The following SLC3A2 variants were observed in gnomAD, a reference collection of about 807,000 sequenced individuals.
SLC3A2 encodes the protein solute carrier family 3 member 2, also known as amino acid transporter heavy chain SLC3A2.
Under a neutral mutation model 48.5 loss-of-function variants are expected in SLC3A2, and 32 were observed. That is an observed-to-expected ratio of 0.66 (90% CI 0.50 to 0.89). SLC3A2 has a LOEUF of 0.89. SLC3A2 is among the 40% of genes least tolerant of loss of function. SLC3A2 has a pLI of 0.00. For missense variants in SLC3A2, 587 were observed against 680.7 expected (o/e 0.86, Z 1.53); for synonymous variants, 277 against 288.8 (o/e 0.96, Z 0.41).
chr11:62,864,307 G>T lies in SLC3A2; in HGVS notation c.112+7926G>T, dbSNP rs538269689. On this transcript the variant is annotated intron_variant, in intron 1 of 9. Coordinates refer to the SLC3A2 transcript ENST00000377889. ...GTATATCAATCCTGTTAAATACTTG[G>T]TTTTTTTTTTTTTTGAGATGGAATG... Among the ~76,000 whole-genome samples, 481 of 144,834 alleles carry T rather than the reference G, an allele frequency of 3.3e-3. 2 individuals carry two copies. The highest frequency in any genetic ancestry group is 1.0e-2 in the African/African-American group (394 of 39,492).
chr11:62,884,760 G>T (rs116922121), intron 5 of SLC3A2, 70 bp downstream of exon 5: 4 of 1,194,168 alleles, frequency 3.3e-6, no homozygotes, highest in Non-Finnish European at 3.4e-6. Flanking sequence ...CTAGGCCTAA[G>T]AAGGGGGGAT....
upstream of SLC3A2, chr11:62,880,395 A>C (rs1376081643): frequency 6.6e-6 from 1 of 152,466 alleles, no homozygotes; most frequent in African/African-American, 2.4e-5. Flanking sequence ...GCAGAGGTCT[A>C]GCGCCAAGTC....
chr11:62,882,853 A>G, intron 2 of SLC3A2, 55 bp from the exon 3 acceptor site: 6 of 1,404,500 alleles, frequency 4.3e-6, no homozygotes, highest in Non-Finnish European at 5.1e-6. Context: ...TGATTTCCTT[A>G]TTTTCCCTTA....
chr11:62,870,086 C>T (rs1270474562), intron 1 of SLC3A2, among the ~76,000 whole-genome samples: 4 of 151,988 alleles, frequency 2.6e-5, no homozygotes, highest in Admixed American at 1.3e-4. Flanking sequence ...CGTGAGCCAC[C>T]GCACCTGGCC....
At chr11:62,869,544 A>AAAG in intron 1 of SLC3A2, among the ~76,000 whole-genome samples, 1 of 150,826 alleles carries the variant, frequency 6.6e-6, no homozygotes, top group African/African-American at 2.4e-5. Context: ...AAAAAAAAAA[A>AAAG]AAGAATAGAA....
At chr11:62,868,037 TCAGCCTCCTGAGTAGCTGCGATTA>T (rs1178122196) in intron 1 of SLC3A2, among the ~76,000 whole-genome samples, 4 of 151,998 alleles carry the variant, frequency 2.6e-5, no homozygotes, top group Admixed American at 2.0e-4. Flanking sequence ...TTCTCCTGCC[TCAGCCTCCTGAGTAGCTGCGATTA>T]CAGCCTCCTG....
intron 1 of SLC3A2, among the ~76,000 whole-genome samples, chr11:62,857,420 G>A (rs771312332): frequency 2.0e-5 from 3 of 152,252 alleles, no homozygotes; most frequent in South Asian, 2.1e-4. Flanking sequence ...CACCACACCC[G>A]GCCTGGCTCA....
chr11:62,885,692 G>A, intron 7 of SLC3A2, 84 bp downstream of exon 7: 1 of 1,473,794 alleles, frequency 6.8e-7, no homozygotes, highest in Non-Finnish European at 9.3e-7. Context: ...ACATAGACGT[G>A]AGCCTTGGGG....
intron 1 of SLC3A2, among the ~76,000 whole-genome samples, chr11:62,860,378 G>C (rs572666984): frequency 6.6e-6 from 1 of 151,522 alleles, no homozygotes; most frequent in East Asian, 1.9e-4. Flanking sequence ...GATGGCGTGC[G>C]CCTGTAGTCC....
At chr11:62,860,834 A>G (rs944928048) in intron 1 of SLC3A2, among the ~76,000 whole-genome samples, 1 of 152,162 alleles carries the variant, frequency 6.6e-6, no homozygotes, top group African/African-American at 2.4e-5. Context: ...AATGGCGATG[A>G]CTTTTACCAA....
At chr11:62,875,814 G>T (rs2085565632) in intron 1 of SLC3A2, among the ~76,000 whole-genome samples, 1 of 152,104 alleles carries the variant, frequency 6.6e-6, no homozygotes, top group African/African-American at 2.4e-5. Context: ...TGATCCGCCC[G>T]CCTCAGCCTC....
Position 62,881,059 on chromosome 11 carries a change from G to A in SLC3A2, c.36G>A (p.Val12=). The part of the protein sequence containing the change: ...SQDTEVDMKE[V]ELNELEPEKQ... ...ACACCGAGGTGGATATGAAGGAGGTGGAGCTGAATGAGTTAGAGCCCGAGA... is the reference window on the plus strand; with the variant it reads ...ACACCGAGGTGGATATGAAGGAGGTAGAGCTGAATGAGTTAGAGCCCGAGA... Residue 12 remains valine, a synonymous_variant, in exon 1 of 9, where the codon GTG becomes GTA. Coordinates refer to ENST00000338663, the MANE Select transcript of SLC3A2 (RefSeq NM_001013251.3). The surrounding 1 kb of genome is among the most constrained non-coding windows in gnomAD (Gnocchi z 4.0). The A allele has an allele frequency of 6.9e-6, 11 of 1,597,488 alleles. No individual in the cohort carries two copies. The highest frequency in any genetic ancestry group is 1.3e-5 in the African/African-American group (1 of 74,796).
intron 1 of SLC3A2, chr11:62,871,782 A>G (rs1010089147): frequency 5.1e-6 from 2 of 391,700 alleles, no homozygotes; most frequent in African/African-American, 2.1e-5. Flanking sequence ...TTTCTCTTGC[A>G]CATGAATTAT....
intron 7 of SLC3A2, 171 bp from the exon 8 acceptor site, chr11:62,887,964 T>A (rs927352198): frequency 1.5e-4 from 86 of 587,770 alleles, no homozygotes; most frequent in Non-Finnish European, 2.2e-4. Flanking sequence ...AGCTAATTTT[T>A]AAAAATTTTG....
Position 62,884,612 on chromosome 11 carries a change from T to C in SLC3A2, c.760-20T>C. On this transcript the variant is annotated intron_variant, in intron 4 of 8. Transcript: ENST00000338663. Reference sequence around the variant, plus strand: ...CCTCATAATATTCTCTGGTCCTTGATTCTGCTTTTTTCTTTCTAGGATGCA... The same window carrying C: ...CCTCATAATATTCTCTGGTCCTTGACTCTGCTTTTTTCTTTCTAGGATGCA... The C allele has an allele frequency of 6.2e-7, 1 of 1,611,702 alleles. No homozygotes were observed. Among genetic ancestry groups the C allele is most frequent in the South Asian group, 1.1e-5 (1 of 90,998 alleles).
chr11:62,877,218 G>A (rs565303), upstream of SLC3A2, among the ~76,000 whole-genome samples: 13 of 151,586 alleles, frequency 8.6e-5, no homozygotes, highest in Admixed American at 3.3e-4. Context: ...CCACCACCAC[G>A]CCTGGCTAAT....
At chr11:62,871,677 T>C (rs898782338) in intron 1 of SLC3A2, 37 of 608,970 alleles carry the variant, frequency 6.1e-5, no homozygotes, top group Non-Finnish European at 1.0e-4. Context: ...CAGGTAATTA[T>C]TATTTTAGCA....
chr11:62,859,802 A>C lies in SLC3A2; in HGVS notation c.112+3421A>C, dbSNP rs1412134947. Among the ~76,000 whole-genome samples the C allele has an allele frequency of 5.3e-5, 8 of 152,240 alleles. No homozygotes were observed. The East Asian group carries it at 1.5e-3, about 29-fold the overall frequency. ...ACTAGAAAAGAGGGCATTTTAAAAA[A>C]AGTAGGCTGGGTGGAGCGGCTCACG... On this transcript the variant is annotated intron_variant, in intron 1 of 9. Transcript: ENST00000377889.
chr11:62,877,527 A>G (rs1018795122), upstream of SLC3A2, among the ~76,000 whole-genome samples: 1 of 152,258 alleles, frequency 6.6e-6, no homozygotes, highest in Non-Finnish European at 1.5e-5. Context: ...AGAGACATCC[A>G]GACAAACAAA....
Sources: allele counts gnomAD v4.1 joint callset (sites outside exome capture counted in the v4.1 genomes callset), GRCh38; gene constraint gnomAD v4.1.1; non-coding constraint Gnocchi (gnomAD v3.1); transcripts MANE v1.5; gene names NCBI Gene and HGNC (gene_info 2026-07-23, HGNC 2026-07-21).